SUGCT: variants seen among roughly 807,000 people sequenced by gnomAD.
SUGCT encodes the protein succinyl-CoA:glutarate-CoA transferase, also known as succinyl-CoA:glutarate CoA-transferase.
Under a neutral mutation model 55.0 loss-of-function variants are expected in SUGCT, and 41 were observed. That is an observed-to-expected ratio of 0.74 (90% CI 0.58 to 0.97). SUGCT has a LOEUF of 0.97. SUGCT is among the 50% of genes least tolerant of loss of function. SUGCT has a pLI of 0.00. For synonymous variants in SUGCT, 187 were observed against 200.4 expected (o/e 0.93, Z 0.56); for missense variants, 568 against 547.8 (o/e 1.04, Z -0.37).
At chr7:40,983,767 C>T in the SUGCT span, among the ~76,000 whole-genome samples, 3 of 152,236 alleles carry the variant, frequency 2.0e-5, no homozygotes, top group African/African-American at 2.4e-5. Flanking sequence ...ATTGAGAAAG[C>T]GATGTAGCAC....
At chr7:40,684,665 A>C (rs1216924731) in intron 12 of SUGCT, among the ~76,000 whole-genome samples, 1 of 152,164 alleles carries the variant, frequency 6.6e-6, no homozygotes, top group Non-Finnish European at 1.5e-5. Flanking sequence ...ATGAGGATTT[A>C]GCTCTCTTGT....
intron 9 of SUGCT, among the ~76,000 whole-genome samples, chr7:40,390,003 C>A (rs952691451): frequency 1.3e-5 from 2 of 152,154 alleles, no homozygotes; most frequent in African/African-American, 4.8e-5. Flanking sequence ...TAAAAGTAAT[C>A]CATCATATAA....
intron 9 of SUGCT, among the ~76,000 whole-genome samples, chr7:40,415,113 T>TAACTATCA (rs1786924237): frequency 6.8e-6 from 1 of 147,468 alleles, no homozygotes; most frequent in African/African-American, 2.5e-5. Flanking sequence ...TCTATCTATC[T>TAACTATCA]ATATAAAATT....
At chr7:40,235,874 C>T (rs1396716237) in intron 6 of SUGCT, among the ~76,000 whole-genome samples, 6 of 152,068 alleles carry the variant, frequency 3.9e-5, no homozygotes, top group Admixed American at 3.9e-4. Context: ...GGAGAGTCTT[C>T]CAGGTGGCTG....
At chr7:40,284,477 G>A (rs1469169179) in intron 8 of SUGCT, among the ~76,000 whole-genome samples, 2 of 151,496 alleles carry the variant, frequency 1.3e-5, no homozygotes, top group Admixed American at 6.6e-5. Flanking sequence ...GTGTGGTGGC[G>A]GGCACCTGTA....
At chr7:40,196,968 G>A (rs1298354810) in intron 6 of SUGCT, among the ~76,000 whole-genome samples, 1 of 151,984 alleles carries the variant, frequency 6.6e-6, no homozygotes, top group African/African-American at 2.4e-5. Context: ...CCGAGTAGAT[G>A]GGATTACGGG....
chr7:40,274,718 C>G, intron 8 of SUGCT, 62 bp downstream of exon 8: 1 of 1,489,742 alleles, frequency 6.7e-7, no homozygotes, highest in Non-Finnish European at 9.3e-7. Flanking sequence ...TATACCTTTT[C>G]AGATCAAATT....
chr7:40,186,053 A>G (rs1407261824), intron 3 of SUGCT, among the ~76,000 whole-genome samples: 8 of 147,904 alleles, frequency 5.4e-5, no homozygotes, highest in Admixed American at 1.3e-4. Context: ...ATTACATAAA[A>G]TTTGGTTGTT....
At chr7:40,196,963 T>A (rs578246027) in intron 6 of SUGCT, among the ~76,000 whole-genome samples, 1 of 151,976 alleles carries the variant, frequency 6.6e-6, no homozygotes, top group Non-Finnish European at 1.5e-5. Flanking sequence ...GCCACCCGAG[T>A]AGATGGGATT....
At chr7:40,616,315 C>T (rs1798999337) in intron 12 of SUGCT, among the ~76,000 whole-genome samples, 1 of 152,138 alleles carries the variant, frequency 6.6e-6, no homozygotes, top group South Asian at 2.1e-4. Context: ...CATGCCTGAG[C>T]CTCCCAAGTA....
intron 8 of SUGCT, among the ~76,000 whole-genome samples, chr7:40,313,153 C>T (rs1795253096): frequency 6.6e-6 from 1 of 152,080 alleles, no homozygotes. Flanking sequence ...AGTTTGCTGT[C>T]AGAATGATTA....
intron 13 of SUGCT, among the ~76,000 whole-genome samples, chr7:40,768,334 G>C (rs117838480): frequency 1.3e-5 from 2 of 152,106 alleles, no homozygotes; most frequent in Non-Finnish European, 2.9e-5. Flanking sequence ...GCTGCTTCCT[G>C]TGTCCCTGGA....
chr7:40,548,636 A>T (rs1583957349), intron 12 of SUGCT, among the ~76,000 whole-genome samples: 1 of 152,138 alleles, frequency 6.6e-6, no homozygotes, highest in East Asian at 1.9e-4. Context: ...CCACCCCCAG[A>T]GTTGTACATT....
chr7:40,516,012 C>T (rs1242384431), intron 12 of SUGCT, among the ~76,000 whole-genome samples: 3 of 152,030 alleles, frequency 2.0e-5, no homozygotes, highest in Non-Finnish European at 4.4e-5. Context: ...TTCCTTCTTC[C>T]CTTTCTTCTT....
intron 13 of SUGCT, among the ~76,000 whole-genome samples, chr7:40,805,780 C>T (rs1791059651): frequency 6.6e-6 from 1 of 152,190 alleles, no homozygotes; most frequent in African/African-American, 2.4e-5. Flanking sequence ...GAACCTCCCT[C>T]AAGGTTTCCT....
At chr7:40,920,816 A>G in the SUGCT span, among the ~76,000 whole-genome samples, 202 of 152,392 alleles carry the variant, frequency 1.3e-3, no homozygotes, top group African/African-American at 4.7e-3. Context: ...ATAAATAAAA[A>G]TAAAATGAAA....
intron 11 of SUGCT, among the ~76,000 whole-genome samples, chr7:40,493,142 G>A (rs746670278): frequency 1.3e-5 from 2 of 152,186 alleles, no homozygotes; most frequent in East Asian, 1.9e-4. Flanking sequence ...GTCATTATGT[G>A]TTAGAACGTG....
the SUGCT span, among the ~76,000 whole-genome samples, chr7:40,989,605 TAA>T: frequency 9.8e-5 from 13 of 132,482 alleles, no homozygotes; most frequent in Admixed American, 2.3e-4. Context: ...CCATCTCTAC[TAA>T]AAAAAAAAAA....
chr7:40,368,910 C>A (rs1018371635), intron 9 of SUGCT, among the ~76,000 whole-genome samples: 2 of 151,904 alleles, frequency 1.3e-5, no homozygotes, highest in African/African-American at 4.8e-5. Flanking sequence ...TCGAGACCAG[C>A]CTGGCCAACA....
Sources: allele counts gnomAD v4.1 joint callset (sites outside exome capture counted in the v4.1 genomes callset), GRCh38; gene constraint gnomAD v4.1.1; transcripts MANE v1.5; gene names NCBI Gene and HGNC (gene_info 2026-07-23, HGNC 2026-07-21).